The following ZNF804B variants were observed in gnomAD, a reference collection of about 807,000 sequenced individuals.
ZNF804B encodes zinc finger 804B.
ZNF804B carries 80 observed loss-of-function variants against 101.4 expected under a neutral mutation model. That is an observed-to-expected ratio of 0.79 (90% CI 0.66 to 0.95). The LOEUF is 0.95. ZNF804B is among the 40% of genes least tolerant of loss of function. ZNF804B has a pLI of 0.00. For missense variants in ZNF804B, 1,673 were observed against 1,561.9 expected, an observed-to-expected ratio of 1.07 and a Z score of -1.20; for synonymous variants, 622 against 558.8, an observed-to-expected ratio of 1.11 and a Z score of -1.59.
At chr7:89,012,926 T>A (rs1430832357) in intron 1 of ZNF804B, among the ~76,000 whole-genome samples, 1 of 152,214 alleles carries the variant, frequency 6.6e-6, no homozygotes, top group African/African-American at 2.4e-5. Flanking sequence ...CAGTTCCTTA[T>A]GGCTGGGTAG....
intron 1 of ZNF804B, among the ~76,000 whole-genome samples, chr7:88,863,102 C>G (rs1452229793): frequency 6.6e-6 from 1 of 152,198 alleles, no homozygotes; most frequent in Non-Finnish European, 1.5e-5. Flanking sequence ...GTACTACTGT[C>G]TCCGTGCTCA....
intron 1 of ZNF804B, among the ~76,000 whole-genome samples, chr7:89,148,209 C>T (rs1790818258): frequency 6.6e-6 from 1 of 152,056 alleles, no homozygotes; most frequent in South Asian, 2.1e-4. Flanking sequence ...TATATAATAT[C>T]TATATCTTAG....
chr7:89,056,834 T>C (rs141072941), intron 1 of ZNF804B, among the ~76,000 whole-genome samples: 1 of 152,198 alleles, frequency 6.6e-6, no homozygotes, highest in Non-Finnish European at 1.5e-5. Context: ...ACTAAGACTC[T>C]GGGTTGCAAC....
chr7:89,134,867 T>C (rs569992872), intron 1 of ZNF804B, among the ~76,000 whole-genome samples: 1 of 152,072 alleles, frequency 6.6e-6, no homozygotes, highest in Non-Finnish European at 1.5e-5. Flanking sequence ...TTTGAGCTAC[T>C]ATGTACTGTG....
At chr7:89,283,826 T>C (rs769838759) in intron 2 of ZNF804B, among the ~76,000 whole-genome samples, 1 of 152,168 alleles carries the variant, frequency 6.6e-6, no homozygotes, top group Non-Finnish European at 1.5e-5. Flanking sequence ...GGGCCACTTA[T>C]ACATAGATTT....
At chr7:88,935,995 T>G (rs1022668144) in intron 1 of ZNF804B, among the ~76,000 whole-genome samples, 4 of 151,306 alleles carry the variant, frequency 2.6e-5, no homozygotes, top group Non-Finnish European at 5.9e-5. Flanking sequence ...TCTCCCTCCC[T>G]TCCTCCATTT....
intron 1 of ZNF804B, among the ~76,000 whole-genome samples, chr7:88,995,791 T>C (rs1008622186): frequency 6.6e-6 from 1 of 152,076 alleles, no homozygotes; most frequent in Non-Finnish European, 1.5e-5. Context: ...TGATAAATTA[T>C]GTCTATAATA....
Position 89,056,791 on chromosome 7 carries a change from G to A in ZNF804B, c.109-161364G>A, listed in dbSNP as rs541562620. 1.1e-4 allele frequency among the ~76,000 whole-genome samples: 16 copies of A among 152,196 alleles called. No individual in the cohort carries two copies. In the South Asian group the frequency reaches 3.3e-3, roughly 32 times the overall value. On this transcript the variant is annotated intron_variant, in intron 1 of 3. Coordinates refer to ENST00000333190, the MANE Select transcript of ZNF804B (RefSeq NM_181646.5). ...GGGGGAAACACTATAACAAGAATAG[G>A]TTCATTGCCTGATGCACACAGCAAG...
chr7:89,205,522 C>A (rs1165989116), intron 1 of ZNF804B, among the ~76,000 whole-genome samples: 4 of 152,110 alleles, frequency 2.6e-5, no homozygotes, highest in Admixed American at 6.5e-5. Flanking sequence ...TTGGAGAAAA[C>A]AAAGGGGGTT....
At chr7:88,851,723 TAA>T (rs1262766845) in intron 1 of ZNF804B, among the ~76,000 whole-genome samples, 1 of 152,090 alleles carries the variant, frequency 6.6e-6, no homozygotes, top group African/African-American at 2.4e-5. Context: ...TGAGTAAATA[TAA>T]AGAGTTTTTT....
intron 1 of ZNF804B, among the ~76,000 whole-genome samples, chr7:88,779,116 T>A (rs72615106): frequency 0.052 from 7,925 of 152,242 alleles, 404 homozygotes; most frequent in East Asian, 0.28. Context: ...ACATGTCAAG[T>A]ATGGCAATTT....
At chr7:89,051,018 T>G (rs1789197346) in intron 1 of ZNF804B, among the ~76,000 whole-genome samples, 1 of 152,056 alleles carries the variant, frequency 6.6e-6, no homozygotes, top group Non-Finnish European at 1.5e-5. Context: ...TGGATATCAC[T>G]CCTGGGCAAT....
At chr7:88,803,166 AC>A in intron 1 of ZNF804B, among the ~76,000 whole-genome samples, 1 of 150,260 alleles carries the variant, frequency 6.7e-6, no homozygotes, top group Middle Eastern at 3.4e-3. Context: ...AGAAAAAAAA[AC>A]GTTAAAAAAT....
intron 1 of ZNF804B, among the ~76,000 whole-genome samples, chr7:89,142,775 C>T (rs1790736100): frequency 1.3e-5 from 2 of 151,922 alleles, no homozygotes; most frequent in Non-Finnish European, 2.9e-5. Flanking sequence ...TAGTTCTCTT[C>T]AGTTAGAATA....
At chr7:89,074,190 G>A (rs780981390) in intron 1 of ZNF804B, among the ~76,000 whole-genome samples, 2 of 152,174 alleles carry the variant, frequency 1.3e-5, no homozygotes, top group Non-Finnish European at 2.9e-5. Context: ...ATGCCAACTT[G>A]AGTTGAATTT....
chr7:89,132,578 C>T (rs1391876955), intron 1 of ZNF804B, among the ~76,000 whole-genome samples: 2 of 151,992 alleles, frequency 1.3e-5, no homozygotes, highest in African/African-American at 4.8e-5. Context: ...ATTCTGTACA[C>T]ACTTCCATTG....
chr7:89,212,529 C>T (rs1229993306), intron 1 of ZNF804B, among the ~76,000 whole-genome samples: 1 of 152,098 alleles, frequency 6.6e-6, no homozygotes, highest in Non-Finnish European at 1.5e-5. Context: ...TATCATCATT[C>T]TCCAAAACAA....
chr7:88,850,152 G>C (rs1480316264), intron 1 of ZNF804B, among the ~76,000 whole-genome samples: 1 of 152,032 alleles, frequency 6.6e-6, no homozygotes, highest in Non-Finnish European at 1.5e-5. Context: ...TTTTACGTTA[G>C]GCAAAGAGGG....
At chr7:89,004,712 A>G (rs578056448) in intron 1 of ZNF804B, among the ~76,000 whole-genome samples, 2 of 152,102 alleles carry the variant, frequency 1.3e-5, no homozygotes, top group African/African-American at 2.4e-5. Flanking sequence ...TCTATTAAAA[A>G]AAAGTCTTGC....
Sources: allele counts gnomAD v4.1 joint callset (sites outside exome capture counted in the v4.1 genomes callset), GRCh38; gene constraint gnomAD v4.1.1; transcripts MANE v1.5; gene names NCBI Gene and HGNC (gene_info 2026-07-23, HGNC 2026-07-21).